Variants in HS6ST3 observed in about 807,000 individuals in gnomAD.
HS6ST3 encodes heparan-sulfate 6-O-sulfotransferase 3.
Under a neutral mutation model 36.7 loss-of-function variants are expected in HS6ST3, and 12 were observed. The ratio of observed to expected loss-of-function variants is 0.33; its 90% CI spans 0.21 to 0.53. HS6ST3 has a LOEUF of 0.53. Ranked by LOEUF, HS6ST3 falls within the 20% of genes least tolerant of loss-of-function variation. The pLI, the probability that HS6ST3 is intolerant of heterozygous loss-of-function variation, is 0.95. For synonymous variants in HS6ST3, 240 were observed against 257.5 expected (o/e 0.93, Z 0.65); for missense variants, 584 against 640.9 (o/e 0.91, Z 0.96).
chr13:96,362,490 A>G (rs2055243335), intron 1 of HS6ST3, among the ~76,000 whole-genome samples: 2 of 152,134 alleles, frequency 1.3e-5, no homozygotes, highest in African/African-American at 4.8e-5. Context: ...GATATTTCTG[A>G]GCAATAGGAA....
chr13:96,662,512 TGG>T (rs1683731310), intron 1 of HS6ST3, among the ~76,000 whole-genome samples: 2 of 57,440 alleles, frequency 3.5e-5, no homozygotes, highest in African/African-American at 7.2e-5. Flanking sequence ...TGTGTGTGTA[TGG>T]GGTGTGTGTG....
At chr13:96,587,627 A>C (rs1376673033) in intron 1 of HS6ST3, among the ~76,000 whole-genome samples, 1 of 152,212 alleles carries the variant, frequency 6.6e-6, no homozygotes, top group Non-Finnish European at 1.5e-5. Flanking sequence ...AGGTGGCTTC[A>C]CTTTATAACC....
intron 1 of HS6ST3, among the ~76,000 whole-genome samples, chr13:96,197,756 G>T (rs1479876943): frequency 1.3e-5 from 2 of 152,172 alleles, no homozygotes; most frequent in Non-Finnish European, 2.9e-5. Context: ...ATCCAGTGGG[G>T]CAGTCAAATT....
At chr13:96,576,666 G>T (rs2056322376) in intron 1 of HS6ST3, among the ~76,000 whole-genome samples, 1 of 152,132 alleles carries the variant, frequency 6.6e-6, no homozygotes, top group African/African-American at 2.4e-5. Flanking sequence ...GTTGGGCCAG[G>T]TTCAGTGGCT....
Position 96,091,125 on chromosome 13 carries a change from C to A in HS6ST3, c.263C>A (p.Pro88Gln). 6.9e-7 allele frequency: 1 copy of A among 1,444,498 alleles called. No individual in the cohort carries two copies. The allele number at this position is 1,444,498 out of a possible 1,614,324, so 89.5% of individuals were successfully genotyped here. A position where few individuals can be genotyped will look rare whatever the true frequency, so the allele number is the denominator to read the frequency against. Residue 88 changes from proline to glutamine, a missense_variant, in exon 1 of 2, where the codon CCG becomes CAG. By Grantham distance (76) the Pro-to-Gln change is moderately conservative. Coordinates refer to ENST00000376705, the MANE Select transcript of HS6ST3 (RefSeq NM_153456.4). ...GAGGGACCTCGGGGGGCCGCGGCGC[C>A]GGAGGAGGAGGACGAGGAGCCCGGA... Reference protein sequence around the residue: ...PPEGPRGAAAPEEEDEEPGDP... With the variant: ...PPEGPRGAAAQEEEDEEPGDP...
chr13:96,410,019 A>G lies in HS6ST3; in HGVS notation c.707+318450A>G, dbSNP rs369596435. 1.3e-4 allele frequency among the ~76,000 whole-genome samples: 20 copies of G among 152,326 alleles called. No individual in the cohort carries two copies. In the East Asian group the frequency reaches 2.5e-3, roughly 19 times the overall value. On this transcript the variant is annotated intron_variant, in intron 1 of 1. Coordinates refer to ENST00000376705, the MANE Select transcript of HS6ST3 (RefSeq NM_153456.4). ...ACAGAGTTAAATAAAATAAAAAGAA[A>G]TAATAAAAGTACTATAAGGATAATA...
intron 1 of HS6ST3, chr13:96,573,852 C>G (rs552256771): frequency 6.8e-6 from 3 of 440,852 alleles, no homozygotes; most frequent in Non-Finnish European, 1.3e-5. Context: ...TCCCATCACA[C>G]GAATGAATCC....
intron 1 of HS6ST3, among the ~76,000 whole-genome samples, chr13:96,337,024 A>T (rs950251366): frequency 2.6e-5 from 4 of 152,048 alleles, no homozygotes; most frequent in African/African-American, 9.7e-5. Context: ...TCTCTTTTCA[A>T]CATTTAAAAA....
chr13:96,776,396 C>A (rs1360019309), intron 1 of HS6ST3, among the ~76,000 whole-genome samples: 4 of 152,116 alleles, frequency 2.6e-5, no homozygotes, highest in Non-Finnish European at 5.9e-5. Context: ...ATCAGTGAAT[C>A]CAGGAGCTGG....
chr13:96,136,682 C>CATAT (rs56247662), intron 1 of HS6ST3, among the ~76,000 whole-genome samples: 5,225 of 129,740 alleles, frequency 0.04, 188 homozygotes, highest in Admixed American at 0.063. Flanking sequence ...TGTTATGAAA[C>CATAT]ATATATATAT....
chr13:96,451,707 T>C (rs979520071), intron 1 of HS6ST3, among the ~76,000 whole-genome samples: 6 of 152,186 alleles, frequency 3.9e-5, no homozygotes, highest in African/African-American at 1.2e-4. Context: ...GATATAGCAC[T>C]GGCAGACTGC....
At chr13:96,829,221 C>T (rs1878715913) in intron 1 of HS6ST3, among the ~76,000 whole-genome samples, 1 of 152,140 alleles carries the variant, frequency 6.6e-6, no homozygotes. Flanking sequence ...CAAACCTGTC[C>T]TGATGTGATA....
At chr13:96,367,440 T>C (rs1019184174) in intron 1 of HS6ST3, among the ~76,000 whole-genome samples, 2 of 152,220 alleles carry the variant, frequency 1.3e-5, no homozygotes, top group African/African-American at 2.4e-5. Context: ...CTGTAATTAG[T>C]GTGTTTTAAG....
chr13:96,471,080 C>T (rs1456716581), intron 1 of HS6ST3, among the ~76,000 whole-genome samples: 2 of 152,248 alleles, frequency 1.3e-5, no homozygotes, highest in East Asian at 3.9e-4. Context: ...CTTTTGGATT[C>T]CAGTAACAGA....
At chr13:96,401,470 T>C (rs561228899) in intron 1 of HS6ST3, among the ~76,000 whole-genome samples, 48 of 152,248 alleles carry the variant, frequency 3.2e-4, no homozygotes, top group Admixed American at 1.2e-3. Flanking sequence ...AGCATCTGAA[T>C]GTGCCCCAAT....
chr13:96,362,599 AAGAG>A lies in HS6ST3; in HGVS notation c.707+271035_707+271038del, dbSNP rs2055243849. On this transcript the variant is annotated intron_variant, in intron 1 of 1. Coordinates refer to ENST00000376705, the MANE Select transcript of HS6ST3 (RefSeq NM_153456.4). ...GTGTGAATCTCACTGGTGGAAGAGA[AAGAG>A]AGAGTTGGTGAGTCACACCCAATTA... 3.9e-5 allele frequency among the ~76,000 whole-genome samples: 6 copies of A among 152,168 alleles called. No individual in the cohort carries two copies. In the South Asian group the frequency reaches 1.2e-3, roughly 32 times the overall value.
At chr13:96,614,059 G>A (rs2138990349) in intron 1 of HS6ST3, among the ~76,000 whole-genome samples, 1 of 152,100 alleles carries the variant, frequency 6.6e-6, no homozygotes, top group South Asian at 2.1e-4. Context: ...AGCACTTTGG[G>A]AGGCCGAGGC....
intron 1 of HS6ST3, chr13:96,574,360 T>C (rs2056313181): frequency 4.8e-6 from 2 of 419,932 alleles, no homozygotes; most frequent in African/African-American, 2.1e-5. Context: ...AGGATCCAAT[T>C]ACCAGTGAAT....
At chr13:96,151,854 A>T (rs146358295) in intron 1 of HS6ST3, among the ~76,000 whole-genome samples, 131 of 152,284 alleles carry the variant, frequency 8.6e-4, no homozygotes, top group African/African-American at 3.0e-3. Flanking sequence ...GTGTCTCCAC[A>T]TGGCACCCCT....
Sources: allele counts gnomAD v4.1 joint callset (sites outside exome capture counted in the v4.1 genomes callset), GRCh38; gene constraint gnomAD v4.1.1; transcripts MANE v1.5; gene names NCBI Gene and HGNC (gene_info 2026-07-23, HGNC 2026-07-21).